The following SIK2 variants were observed in gnomAD, a reference collection of about 807,000 sequenced individuals.
SIK2 encodes the protein serine/threonine-protein kinase SIK2.
In SIK2, 29 loss-of-function variants were observed where a neutral mutation model predicts 103.2. That is an observed-to-expected ratio of 0.28 (90% CI 0.21 to 0.38). SIK2 has a LOEUF of 0.38. Ranked by LOEUF, SIK2 falls within the 10% of genes least tolerant of loss-of-function variation. The probability of loss-of-function intolerance (pLI) is 1.00; values close to 1 mark genes in which losing one functional copy is unlikely to be tolerated. For missense variants in SIK2, 879 were observed against 1,171.0 expected (o/e 0.75, Z 3.64); for synonymous variants, 412 against 446.1 (o/e 0.92, Z 0.96).
In SIK2 at chr11:111,726,675, T is replaced by C. The variant is rs1205685095; in HGVS notation, c.*2546T>C. 4.7e-6 allele frequency: 2 copies of C among 423,510 alleles called. No homozygotes were observed. The highest frequency in any genetic ancestry group is 3.1e-5 in the South Asian group (1 of 32,768). 26.2% of individuals were successfully genotyped at this position (423,510 alleles called of 1,614,324 possible). On this transcript the variant is annotated 3_prime_UTR_variant, in exon 15 of 15. Coordinates refer to ENST00000304987, the MANE Select transcript of SIK2 (RefSeq NM_015191.3). ...TGCTCTGTCCCTAACTAGTGACCCA[T>C]GGAAGCTTCCAAGCAGTTTTCTCTT...
intron 4 of SIK2, among the ~76,000 whole-genome samples, chr11:111,696,702 G>A (rs140034552): frequency 1.6e-4 from 25 of 152,320 alleles, no homozygotes; most frequent in Admixed American, 1.2e-3. Context: ...AGATGATGAT[G>A]TGGAGTCTTA....
intron 3 of SIK2, among the ~76,000 whole-genome samples, chr11:111,673,534 G>C (rs537884674): frequency 1.3e-5 from 2 of 152,036 alleles, no homozygotes; most frequent in Non-Finnish European, 2.9e-5. Context: ...CTGTTCTGGC[G>C]TCTAGCAATC....
chr11:111,673,190 G>C (rs771310862), intron 3 of SIK2, among the ~76,000 whole-genome samples: 5 of 152,190 alleles, frequency 3.3e-5, no homozygotes, highest in Non-Finnish European at 7.3e-5. Context: ...AAGACTACCT[G>C]TTCCTCTGTT....
chr11:111,603,216 A>T (rs924021658), intron 1 of SIK2, among the ~76,000 whole-genome samples: 2 of 151,974 alleles, frequency 1.3e-5, no homozygotes, highest in Admixed American at 6.6e-5. Flanking sequence ...CTGCCCGACG[A>T]GGAAGGGCCC....
intron 3 of SIK2, among the ~76,000 whole-genome samples, chr11:111,639,488 C>T (rs1364294836): frequency 6.6e-6 from 1 of 152,186 alleles, no homozygotes; most frequent in Admixed American, 6.5e-5. Context: ...TTATTTTTGC[C>T]AGTTTTCTGG....
At chr11:111,721,261 C>G (rs1312014497) in intron 12 of SIK2, among the ~76,000 whole-genome samples, 199 bp downstream of exon 12, 7 of 152,166 alleles carry the variant, frequency 4.6e-5, no homozygotes, top group East Asian at 3.9e-4. Context: ...TCCAAGTGAT[C>G]AATACCAGAT....
chr11:111,615,527 G>T (rs1941794409), intron 1 of SIK2, among the ~76,000 whole-genome samples: 1 of 152,012 alleles, frequency 6.6e-6, no homozygotes, highest in African/African-American at 2.4e-5. Flanking sequence ...AAAAAAATGT[G>T]TGTAATCATT....
intron 3 of SIK2, among the ~76,000 whole-genome samples, chr11:111,628,999 G>A (rs1942002782): frequency 6.6e-6 from 1 of 152,106 alleles, no homozygotes; most frequent in South Asian, 2.1e-4. Flanking sequence ...GCCTATAAGG[G>A]AGTTTTTTAG....
intron 3 of SIK2, among the ~76,000 whole-genome samples, chr11:111,680,710 G>A (rs1342925779): frequency 6.6e-6 from 1 of 152,094 alleles, no homozygotes; most frequent in Non-Finnish European, 1.5e-5. Context: ...TAAGATGCTG[G>A]GAAGGCTGCC....
chr11:111,706,959 CAAAAAAAAAA>C (rs763828886), intron 8 of SIK2, among the ~76,000 whole-genome samples: 1 of 52,084 alleles, frequency 1.9e-5, no homozygotes, highest in Admixed American at 2.0e-4. Context: ...GACTCCGTCT[CAAAAAAAAAA>C]AAAAAAAAAA....
At chr11:111,704,696 A>G (rs2135931870) in intron 7 of SIK2, among the ~76,000 whole-genome samples, 1 of 152,322 alleles carries the variant, frequency 6.6e-6, no homozygotes, top group South Asian at 2.1e-4. Context: ...GAATGTCTAC[A>G]TGAGACAATG....
At chr11:111,699,609 C>G (rs1302856538) in intron 4 of SIK2, among the ~76,000 whole-genome samples, 1 of 152,208 alleles carries the variant, frequency 6.6e-6, no homozygotes, top group African/African-American at 2.4e-5. Context: ...TTCCATGAAG[C>G]TGTAATAATG....
At chr11:111,666,458 A>G (rs1027816184) in intron 3 of SIK2, among the ~76,000 whole-genome samples, 8 of 152,216 alleles carry the variant, frequency 5.3e-5, no homozygotes, top group East Asian at 1.9e-4. Flanking sequence ...TGTATGTTAT[A>G]CAGATAGTTT....
chr11:111,618,784 G>A (rs916403087), intron 2 of SIK2, among the ~76,000 whole-genome samples: 1 of 152,146 alleles, frequency 6.6e-6, no homozygotes, highest in Non-Finnish European at 1.5e-5. Flanking sequence ...AGCGTGGGGT[G>A]CAGTGGCACA....
chr11:111,676,856 A>G (rs373862241), intron 3 of SIK2, among the ~76,000 whole-genome samples: 1 of 152,204 alleles, frequency 6.6e-6, no homozygotes, highest in Non-Finnish European at 1.5e-5. Flanking sequence ...AAATAATTGC[A>G]TATCAATATA....
At chr11:111,698,430 A>T (rs75934420) in intron 4 of SIK2, among the ~76,000 whole-genome samples, 42 of 152,310 alleles carry the variant, frequency 2.8e-4, no homozygotes, top group African/African-American at 9.6e-4. Flanking sequence ...TGGCTCTATA[A>T]GGGCTCCTGG....
Position 111,720,619 on chromosome 11 carries a change from C to T in SIK2, c.1637C>T (p.Pro546Leu). 6.2e-7 allele frequency: 1 copy of T among 1,614,058 alleles called. No homozygotes were observed. Among genetic ancestry groups the T allele is most frequent in the Non-Finnish European group, 8.5e-7 (1 of 1,180,014 alleles). Reference sequence around the variant, plus strand: ...ATCATGTTAGCCAATCAGCCTTCACCCCGCATGACATCTCCCTTCATAAGC... The same window carrying T: ...ATCATGTTAGCCAATCAGCCTTCACTCCGCATGACATCTCCCTTCATAAGC... ...KDIMLANQPS[P>L]RMTSPFISLR... The change falls in exon 11 of 15, where the codon CCC becomes CTC. Residue 546 changes from proline (P) to leucine (L), a missense_variant. Pro to Leu is a moderately conservative substitution (Grantham distance 98). Transcript: ENST00000304987.
chr11:111,686,548 A>G (rs1369606820), intron 3 of SIK2, among the ~76,000 whole-genome samples: 1 of 152,262 alleles, frequency 6.6e-6, no homozygotes, highest in Non-Finnish European at 1.5e-5. Flanking sequence ...AAATGTGTGC[A>G]GGTGACTGGG....
chr11:111,602,546 C>T lies in SIK2; in HGVS notation c.-18C>T. The T allele has an allele frequency of 6.7e-7, 1 of 1,501,154 alleles. No homozygotes were observed. The highest frequency in any genetic ancestry group is 8.9e-7 in the Non-Finnish European group (1 of 1,125,670). 93.0% of individuals were successfully genotyped at this position (1,501,154 alleles called of 1,614,324 possible). ...CCGCCCGCGCTCCTGTCCGCCGTGT[C>T]TAGCAGCGGGGCCCAGCATGGTCAT... On this transcript the variant is annotated 5_prime_UTR_variant, in exon 1 of 15. Transcript: ENST00000304987. This position sits in a 1 kb window ranked among gnomAD's most constrained non-coding sequence, Gnocchi z 4.5.
Sources: allele counts gnomAD v4.1 joint callset (sites outside exome capture counted in the v4.1 genomes callset), GRCh38; gene constraint gnomAD v4.1.1; non-coding constraint Gnocchi (gnomAD v3.1); transcripts MANE v1.5; gene names NCBI Gene and HGNC (gene_info 2026-07-23, HGNC 2026-07-21).